Variants in CREB5 observed in about 807,000 individuals in gnomAD.
The protein encoded by CREB5 is cAMP responsive element binding protein 5.
CREB5 carries 19 observed loss-of-function variants against 57.1 expected under a neutral mutation model. That is an observed-to-expected ratio of 0.33 (90% CI 0.23 to 0.49). CREB5 has a LOEUF of 0.49. Ranked by LOEUF, CREB5 falls within the 20% of genes least tolerant of loss-of-function variation. CREB5 has a pLI of 0.99. For synonymous variants in CREB5, 238 were observed against 238.3 expected, an observed-to-expected ratio of 1.00 and a Z score of 0.01; for missense variants, 579 against 671.6, an observed-to-expected ratio of 0.86 and a Z score of 1.52.
intron 1 of CREB5, among the ~76,000 whole-genome samples, chr7:28,388,066 G>A (rs1168094689): frequency 6.6e-6 from 1 of 152,122 alleles, no homozygotes; most frequent in Non-Finnish European, 1.5e-5. Flanking sequence ...AGCTGTATCT[G>A]GAGGAATCCT....
intron 5 of CREB5, among the ~76,000 whole-genome samples, chr7:28,577,270 G>C (rs1795943134): frequency 6.6e-6 from 1 of 152,092 alleles, no homozygotes; most frequent in Non-Finnish European, 1.5e-5. Context: ...TCTCTCTTTT[G>C]GTTGTTTTCT....
At chr7:28,425,217 A>G (rs2128012554) in intron 1 of CREB5, among the ~76,000 whole-genome samples, 1 of 152,338 alleles carries the variant, frequency 6.6e-6, no homozygotes, top group South Asian at 2.1e-4. Flanking sequence ...ACTGTTGAGT[A>G]GATAAGCAAA....
At chr7:28,347,816 AC>A (rs1380700412) in intron 1 of CREB5, among the ~76,000 whole-genome samples, 2 of 152,170 alleles carry the variant, frequency 1.3e-5, no homozygotes, top group African/African-American at 4.8e-5. Flanking sequence ...ACTTTAAAAA[AC>A]GTGGTTATTT....
chr7:28,610,788 C>A (rs1041694662), intron 5 of CREB5, among the ~76,000 whole-genome samples: 1 of 152,134 alleles, frequency 6.6e-6, no homozygotes, highest in Non-Finnish European at 1.5e-5. Flanking sequence ...AAGTTAATGA[C>A]CACCATAGAG....
intron 5 of CREB5, among the ~76,000 whole-genome samples, chr7:28,608,123 TCACACACACACA>T (rs1200162382): frequency 1.2e-4 from 8 of 68,542 alleles, no homozygotes; most frequent in African/African-American, 1.4e-4. Flanking sequence ...TCACACACAC[TCACACACACACA>T]CACACACACA....
intron 5 of CREB5, among the ~76,000 whole-genome samples, chr7:28,672,188 A>AACACAC (rs1554283304): frequency 3.9e-4 from 57 of 146,980 alleles, no homozygotes; most frequent in Middle Eastern, 3.4e-3. Context: ...AAAAAAAAAA[A>AACACAC]ACACACACAC....
chr7:28,581,039 T>C (rs1164183016), intron 5 of CREB5, among the ~76,000 whole-genome samples: 1 of 152,026 alleles, frequency 6.6e-6, no homozygotes, highest in Non-Finnish European at 1.5e-5. Context: ...TTCCTCTAAT[T>C]AAAAATAGAA....
chr7:28,416,760 A>G (rs1788043683), intron 1 of CREB5, among the ~76,000 whole-genome samples: 1 of 152,088 alleles, frequency 6.6e-6, no homozygotes, highest in Non-Finnish European at 1.5e-5. Flanking sequence ...AGCATGACAA[A>G]ATGTTCTCTT....
intron 1 of CREB5, among the ~76,000 whole-genome samples, chr7:28,455,930 G>A (rs887194946): frequency 4.6e-5 from 7 of 152,198 alleles, no homozygotes; most frequent in Non-Finnish European, 1.0e-4. Context: ...ATGGACAATG[G>A]ACAGATAACT....
chr7:28,520,608 T>C (rs922260737), intron 4 of CREB5, among the ~76,000 whole-genome samples: 8 of 152,218 alleles, frequency 5.3e-5, no homozygotes, highest in African/African-American at 1.9e-4. Flanking sequence ...ATTTCAGCAA[T>C]GCCGAGCTCT....
intron 1 of CREB5, among the ~76,000 whole-genome samples, chr7:28,315,120 G>A (rs1459484526): frequency 6.6e-6 from 1 of 152,130 alleles, no homozygotes; most frequent in Non-Finnish European, 1.5e-5. Flanking sequence ...TGGAACAGAC[G>A]CTGGGTGAAT....
At chr7:28,792,968 T>A (rs1807813886) in intron 7 of CREB5, among the ~76,000 whole-genome samples, 1 of 152,152 alleles carries the variant, frequency 6.6e-6, no homozygotes, top group Non-Finnish European at 1.5e-5. Flanking sequence ...AGCAGGATGG[T>A]AGAACTGTCA....
At chr7:28,736,989 C>T (rs920195880) in intron 7 of CREB5, among the ~76,000 whole-genome samples, 1 of 151,978 alleles carries the variant, frequency 6.6e-6, no homozygotes, top group African/African-American at 2.4e-5. Context: ...AGATGGAGGG[C>T]CAGGCTGATC....
At chr7:28,784,769 T>C (rs1394607234) in intron 7 of CREB5, among the ~76,000 whole-genome samples, 1 of 152,168 alleles carries the variant, frequency 6.6e-6, no homozygotes, top group Middle Eastern at 3.2e-3. Flanking sequence ...AGGGTTATGA[T>C]GTCTGCTTTC....
chr7:28,677,775 G>C (rs530115806), intron 5 of CREB5, among the ~76,000 whole-genome samples: 38 of 152,156 alleles, frequency 2.5e-4, no homozygotes, highest in Non-Finnish European at 3.5e-4. Flanking sequence ...CTACGTGGGA[G>C]GCTGACGTGG....
intron 1 of CREB5, among the ~76,000 whole-genome samples, chr7:28,474,344 C>A (rs538798278): frequency 3.9e-5 from 6 of 152,116 alleles, no homozygotes; most frequent in Admixed American, 3.3e-4. Context: ...GTTTCAAATG[C>A]GAGATGGGAG....
intron 1 of CREB5, among the ~76,000 whole-genome samples, chr7:28,486,953 A>G (rs1459763294): frequency 6.6e-6 from 1 of 151,872 alleles, no homozygotes; most frequent in Non-Finnish European, 1.5e-5. Flanking sequence ...TTATTTAAAA[A>G]CAAAACAAAA....
intron 5 of CREB5, among the ~76,000 whole-genome samples, chr7:28,712,960 CA>C (rs1219363678): frequency 1.3e-5 from 2 of 151,708 alleles, no homozygotes; most frequent in Admixed American, 1.3e-4. Context: ...TCTCCTGTCC[CA>C]GACAAAAAAA....
chr7:28,701,923 G>A (rs913563328), intron 5 of CREB5, among the ~76,000 whole-genome samples: 5 of 152,120 alleles, frequency 3.3e-5, no homozygotes, highest in African/African-American at 1.2e-4. Flanking sequence ...ACAAATACTG[G>A]CTGTGAACCA....
Sources: allele counts gnomAD v4.1 joint callset (sites outside exome capture counted in the v4.1 genomes callset), GRCh38; gene constraint gnomAD v4.1.1; transcripts MANE v1.5; gene names NCBI Gene and HGNC (gene_info 2026-07-23, HGNC 2026-07-21).